Variants in DOK6 observed in about 807,000 individuals in gnomAD.
DOK6 encodes the protein docking protein 6.
In DOK6, 22 loss-of-function variants were observed where a neutral mutation model predicts 44.0. The ratio of observed to expected loss-of-function variants is 0.50; its 90% confidence interval spans 0.36 to 0.71. DOK6 has a LOEUF of 0.71. Among genes scored for constraint, DOK6 ranks in the 30% least tolerant of loss-of-function variants. DOK6 has a pLI of 0.00. For missense variants in DOK6, 340 were observed against 416.4 expected (o/e 0.82, Z 1.60); for synonymous variants, 166 against 145.5 (o/e 1.14, Z -1.01).
chr18:69,696,526 A>G (rs10871651), intron 4 of DOK6, among the ~76,000 whole-genome samples: 121,941 of 152,122 alleles, frequency 0.8, 49,106 homozygotes, highest in East Asian at 0.98. Context: ...GGAAAGGAAA[A>G]AATGTAAAGA....
chr18:69,594,178 G>A (rs1486833025), intron 2 of DOK6, among the ~76,000 whole-genome samples: 1 of 124,944 alleles, frequency 8.0e-6, no homozygotes, highest in Non-Finnish European at 1.9e-5. Flanking sequence ...AGACATTGAT[G>A]TTTATTTTTT....
intron 7 of DOK6, among the ~76,000 whole-genome samples, chr18:69,814,454 T>TCATAAGGAA (rs947293319): frequency 2.0e-5 from 3 of 152,104 alleles, no homozygotes; most frequent in Admixed American, 6.6e-5. Context: ...CATTAGATTC[T>TCATAAGGAA]CATAAGGAAC....
intron 4 of DOK6, among the ~76,000 whole-genome samples, chr18:69,697,637 T>G (rs1358138693): frequency 6.7e-6 from 1 of 149,506 alleles, no homozygotes; most frequent in Non-Finnish European, 1.5e-5. Flanking sequence ...AAAAAAAAAA[T>G]CTATTTAATG....
At chr18:69,770,186 T>C (rs1286903946) in intron 7 of DOK6, among the ~76,000 whole-genome samples, 1 of 152,104 alleles carries the variant, frequency 6.6e-6, no homozygotes, top group Non-Finnish European at 1.5e-5. Context: ...ATATTTAATC[T>C]TCCCAACAAC....
chr18:69,715,231 T>C (rs1986856647), intron 5 of DOK6, among the ~76,000 whole-genome samples: 1 of 152,122 alleles, frequency 6.6e-6, no homozygotes, highest in Non-Finnish European at 1.5e-5. Flanking sequence ...CACGCAGTTG[T>C]TTTTAGAATT....
intron 7 of DOK6, among the ~76,000 whole-genome samples, chr18:69,759,815 A>G (rs922393197): frequency 2.6e-5 from 4 of 152,128 alleles, no homozygotes; most frequent in Non-Finnish European, 2.9e-5. Flanking sequence ...AATTTACTTA[A>G]TCTCAGTATT....
intron 1 of DOK6, among the ~76,000 whole-genome samples, chr18:69,406,597 A>G (rs1022667765): frequency 6.6e-6 from 1 of 152,212 alleles, no homozygotes; most frequent in Non-Finnish European, 1.5e-5. Context: ...CTTTTCTTAG[A>G]AAACAAAGAT....
At chr18:69,810,565 C>T (rs760929889) in intron 7 of DOK6, among the ~76,000 whole-genome samples, 1 of 151,798 alleles carries the variant, frequency 6.6e-6, no homozygotes, top group Non-Finnish European at 1.5e-5. Context: ...TGCAACCATC[C>T]ATCTGATAAG....
intron 1 of DOK6, among the ~76,000 whole-genome samples, chr18:69,520,693 T>C (rs1308952236): frequency 2.0e-5 from 3 of 151,894 alleles, no homozygotes; most frequent in Non-Finnish European, 2.9e-5. Flanking sequence ...TGGACTTGGG[T>C]CTCATCCCCA....
intron 1 of DOK6, among the ~76,000 whole-genome samples, chr18:69,504,545 A>G (rs1475350427): frequency 6.6e-6 from 1 of 152,166 alleles, no homozygotes; most frequent in Non-Finnish European, 1.5e-5. Context: ...TACTAGTAAC[A>G]TTTTGCATCC....
At chr18:69,825,458 C>G (rs767584566) in intron 7 of DOK6, among the ~76,000 whole-genome samples, 1 of 97,594 alleles carries the variant, frequency 1.0e-5, no homozygotes, top group South Asian at 3.5e-4. Flanking sequence ...TTTTTTGAGA[C>G]GGAGTCTTGC....
chr18:69,588,025 G>C (rs949001266), intron 2 of DOK6, among the ~76,000 whole-genome samples: 2 of 152,028 alleles, frequency 1.3e-5, no homozygotes, highest in Admixed American at 6.6e-5. Flanking sequence ...TGTTTTAGCT[G>C]GTATTTACCA....
At chr18:69,828,674 T>C (rs1052065573) in intron 7 of DOK6, among the ~76,000 whole-genome samples, 3 of 151,244 alleles carry the variant, frequency 2.0e-5, no homozygotes, top group Non-Finnish European at 4.4e-5. Context: ...ATTTTAGTGT[T>C]TGGATATTGC....
At chr18:69,733,628 TTCC>T (rs1294322442) in intron 5 of DOK6, among the ~76,000 whole-genome samples, 2 of 152,218 alleles carry the variant, frequency 1.3e-5, no homozygotes, top group Non-Finnish European at 2.9e-5. Flanking sequence ...CTTGAACTTA[TTCC>T]TCCTATTTAA....
intron 3 of DOK6, among the ~76,000 whole-genome samples, chr18:69,666,039 T>C (rs1985648588): frequency 6.6e-6 from 1 of 152,244 alleles, no homozygotes; most frequent in Non-Finnish European, 1.5e-5. Flanking sequence ...CTTATCATTT[T>C]TATTTTATTG....
intron 1 of DOK6, among the ~76,000 whole-genome samples, chr18:69,422,732 A>G (rs1459290766): frequency 1.3e-5 from 2 of 152,150 alleles, no homozygotes; most frequent in African/African-American, 4.8e-5. Flanking sequence ...TGCTCGCTCA[A>G]TTATCCTTGT....
intron 5 of DOK6, among the ~76,000 whole-genome samples, chr18:69,703,234 T>C (rs1306247979): frequency 6.6e-6 from 1 of 152,198 alleles, no homozygotes; most frequent in African/African-American, 2.4e-5. Context: ...CAAATTTTTT[T>C]CATGGAGGCC....
At chr18:69,469,740 C>G in intron 1 of DOK6, 1 of 269,442 alleles carries the variant, frequency 3.7e-6, no homozygotes. Context: ...GGGCAGGACA[C>G]GAGAGGCCAG....
At chr18:69,760,403 T>C (rs1979508998) in intron 7 of DOK6, among the ~76,000 whole-genome samples, 1 of 152,060 alleles carries the variant, frequency 6.6e-6, no homozygotes, top group Admixed American at 6.6e-5. Context: ...GTTTGATTTT[T>C]TTTTCCCCCA....
Sources: gnomAD v4.1 joint callset for allele counts (sites outside exome capture counted in the v4.1 genomes callset) on GRCh38, gnomAD v4.1.1 for gene constraint, MANE v1.5 for transcripts, NCBI Gene and HGNC (gene_info 2026-07-23, HGNC 2026-07-21) for gene names.